Variants in MFHAS1 observed in about 807,000 individuals in gnomAD.
MFHAS1 encodes the protein malignant fibrous histiocytoma-amplified sequence 1.
A neutral mutation model predicts 70.4 loss-of-function variants in MFHAS1; 50 were observed. The ratio of observed to expected loss-of-function variants is 0.71; its 90% CI spans 0.57 to 0.90. The LOEUF is 0.90. Among genes scored for constraint, MFHAS1 ranks in the 40% least tolerant of loss-of-function variants. The pLI, the probability that MFHAS1 is intolerant of heterozygous loss-of-function variation, is 0.00. For synonymous variants in MFHAS1, 952 were observed against 620.0 expected (o/e 1.54, Z -7.96); for missense variants, 1,795 against 1,347.6 (o/e 1.33, Z -5.20).
At chr8:8,788,332 G>C (rs1373331646) in intron 2 of MFHAS1, among the ~76,000 whole-genome samples, 2 of 152,250 alleles carry the variant, frequency 1.3e-5, no homozygotes, top group Admixed American at 1.3e-4. Context: ...AAAAGCCACA[G>C]GTAAAAAGTA....
chr8:8,802,019 T>C (rs949942447), intron 1 of MFHAS1, among the ~76,000 whole-genome samples: 2 of 152,190 alleles, frequency 1.3e-5, no homozygotes, highest in Non-Finnish European at 2.9e-5. Context: ...CATCATGGTG[T>C]AATGTATGTC....
intron 1 of MFHAS1, among the ~76,000 whole-genome samples, chr8:8,827,602 T>C (rs1465846100): frequency 6.6e-6 from 1 of 152,262 alleles, no homozygotes; most frequent in African/African-American, 2.4e-5. Flanking sequence ...TTCTAAGACT[T>C]CTTTCCATGT....
At chr8:8,846,900 C>T (rs551753847) in intron 1 of MFHAS1, among the ~76,000 whole-genome samples, 50 of 152,222 alleles carry the variant, frequency 3.3e-4, no homozygotes, top group African/African-American at 1.2e-3. Flanking sequence ...GCAGTGTCTA[C>T]GATGACCTTT....
At chr8:8,875,743 A>G (rs1809264348) in intron 1 of MFHAS1, among the ~76,000 whole-genome samples, 1 of 152,110 alleles carries the variant, frequency 6.6e-6, no homozygotes, top group Non-Finnish European at 1.5e-5. Flanking sequence ...GGTGCGTGCC[A>G]CCACGCTCAG....
intron 1 of MFHAS1, among the ~76,000 whole-genome samples, chr8:8,857,898 G>A (rs1002634153): frequency 1.3e-5 from 2 of 152,180 alleles, no homozygotes; most frequent in African/African-American, 4.8e-5. Flanking sequence ...TATGCTGACT[G>A]CCCACTTGTT....
chr8:8,787,332 G>A (rs1028374815), intron 2 of MFHAS1, among the ~76,000 whole-genome samples: 4 of 152,038 alleles, frequency 2.6e-5, no homozygotes, highest in African/African-American at 4.8e-5. Context: ...CGCCCACCTT[G>A]GCCTCCCAAA....
intron 2 of MFHAS1, among the ~76,000 whole-genome samples, chr8:8,796,452 G>C (rs938458719): frequency 1.3e-5 from 2 of 152,222 alleles, no homozygotes; most frequent in South Asian, 4.1e-4. Context: ...GGGAGGCCAA[G>C]ACGGGCGGAT....
chr8:8,823,567 T>G (rs1274664231), intron 1 of MFHAS1, among the ~76,000 whole-genome samples: 1 of 152,078 alleles, frequency 6.6e-6, no homozygotes, highest in African/African-American at 2.4e-5. Context: ...ATATATTTTC[T>G]ACTTAATTTT....
intron 1 of MFHAS1, among the ~76,000 whole-genome samples, chr8:8,883,880 A>G (rs762380452): frequency 1.3e-5 from 2 of 152,048 alleles, no homozygotes; most frequent in Non-Finnish European, 2.9e-5. Context: ...ATAACCTCAG[A>G]GTATGACATA....
chr8:8,836,000 G>A (rs570823572), intron 1 of MFHAS1, among the ~76,000 whole-genome samples: 8 of 152,312 alleles, frequency 5.3e-5, no homozygotes, highest in South Asian at 4.1e-4. Context: ...TATAGCCTGC[G>A]AAGCGAGAAA....
chr8:8,806,091 T>C (rs571562236), intron 1 of MFHAS1, among the ~76,000 whole-genome samples: 1 of 152,230 alleles, frequency 6.6e-6, no homozygotes, highest in Non-Finnish European at 1.5e-5. Context: ...TCCTCATGCC[T>C]GGTTATTTGC....
At chr8:8,815,614 C>G (rs1431079149) in intron 1 of MFHAS1, among the ~76,000 whole-genome samples, 1 of 152,128 alleles carries the variant, frequency 6.6e-6, no homozygotes, top group Non-Finnish European at 1.5e-5. Context: ...TTTCTAATGA[C>G]CAGTGATGTT....
intron 1 of MFHAS1, among the ~76,000 whole-genome samples, chr8:8,811,788 TG>T (rs889455350): frequency 1.3e-5 from 2 of 152,168 alleles, no homozygotes; most frequent in African/African-American, 4.8e-5. Flanking sequence ...ATCCATAAGT[TG>T]GGGCATAAAC....
chr8:8,798,290 T>G (rs897600126), intron 1 of MFHAS1, among the ~76,000 whole-genome samples: 1 of 152,180 alleles, frequency 6.6e-6, no homozygotes, highest in South Asian at 2.1e-4. Flanking sequence ...GGACACATTA[T>G]TGTTCAAACT....
At chr8:8,820,601 T>C (rs908864938) in intron 1 of MFHAS1, among the ~76,000 whole-genome samples, 28 of 152,122 alleles carry the variant, frequency 1.8e-4, no homozygotes, top group Admixed American at 1.8e-3. Context: ...GAATCCCCCA[T>C]TGCCTAATCA....
chr8:8,892,509 G>C lies in MFHAS1; in HGVS notation c.550C>G (p.Arg184Gly), dbSNP rs148791373. 4.0e-4 allele frequency: 637 copies of C among 1,602,500 alleles called. 1 individual carries two copies. Among genetic ancestry groups the C allele is most frequent in the Non-Finnish European group, 5.0e-4 (587 of 1,174,604 alleles). Reference sequence around the variant, plus strand: ...TGGTTGTGATCCACGTCCAGGGTGCGCAGGCGGGAGAGGCAGGAGAGGGAG... The same window carrying C: ...TGGTTGTGATCCACGTCCAGGGTGCCCAGGCGGGAGAGGCAGGAGAGGGAG... ...PDSLSCLSRL[R>G]TLDVDHNQLT... is the part of the protein sequence containing the mutation. Residue 184 changes from arginine (R) to glycine (G), a missense_variant, in exon 1 of 3, where the codon CGC (arginine) becomes GGC (glycine). Transcript: ENST00000276282. The surrounding 1 kb of genome is among the most constrained non-coding windows in gnomAD (Gnocchi z 4.7).
intron 1 of MFHAS1, among the ~76,000 whole-genome samples, chr8:8,849,064 C>CTTTTTTTTTTTTTT (rs145250762): frequency 7.9e-5 from 6 of 75,804 alleles, no homozygotes; most frequent in Admixed American, 2.2e-4. Context: ...TCCTTTTTAC[C>CTTTTTTTTTTTTTT]TTTTTTTTTT....
At chr8:8,791,711 C>T (rs1031482022) in intron 2 of MFHAS1, among the ~76,000 whole-genome samples, 3 of 152,168 alleles carry the variant, frequency 2.0e-5, no homozygotes, top group Admixed American at 6.5e-5. Flanking sequence ...ACCTTGCCCA[C>T]GGGAAGTATA....
intron 1 of MFHAS1, among the ~76,000 whole-genome samples, chr8:8,808,900 G>A (rs917707513): frequency 5.3e-5 from 8 of 152,254 alleles, no homozygotes; most frequent in South Asian, 4.2e-4. Context: ...GGACTGGTAC[G>A]CGTCCATGGG....
Sources: gnomAD v4.1 joint callset for allele counts (sites outside exome capture counted in the v4.1 genomes callset) on GRCh38, gnomAD v4.1.1 for gene constraint, Gnocchi (gnomAD v3.1) non-coding constraint, MANE v1.5 for transcripts, NCBI Gene and HGNC (gene_info 2026-07-23, HGNC 2026-07-21) for gene names.